PRKN: variants seen among roughly 807,000 people sequenced by gnomAD.
PRKN encodes the protein parkin RBR E3 ubiquitin protein ligase, also known as E3 ubiquitin-protein ligase parkin.
PRKN carries 56 observed loss-of-function variants against 59.5 expected under a neutral mutation model. The observed-to-expected ratio is 0.94, with a 90% CI of 0.76 to 1.18. The LOEUF (loss-of-function observed/expected upper bound fraction) is 1.18. Among genes scored for constraint, PRKN ranks in the 50% most tolerant of loss-of-function variants. PRKN has a pLI of 0.00. For missense variants in PRKN, 657 were observed against 596.4 expected, an observed-to-expected ratio of 1.10 and a Z score of -1.06; for synonymous variants, 250 against 222.1, an observed-to-expected ratio of 1.13 and a Z score of -1.12.
intron 7 of PRKN, among the ~76,000 whole-genome samples, chr6:161,719,612 G>T (rs985144373): frequency 1.3e-5 from 2 of 152,044 alleles, no homozygotes; most frequent in Non-Finnish European, 1.5e-5. Flanking sequence ...ATACTATTTA[G>T]CCTGTATCTT....
At chr6:161,692,804 C>G (rs1176882358) in intron 7 of PRKN, among the ~76,000 whole-genome samples, 1 of 151,980 alleles carries the variant, frequency 6.6e-6, no homozygotes, top group Non-Finnish European at 1.5e-5. Flanking sequence ...CAAAAATTAG[C>G]TGGCATGGTA....
At chr6:161,437,626 G>A (rs1399644439) in intron 9 of PRKN, among the ~76,000 whole-genome samples, 1 of 152,144 alleles carries the variant, frequency 6.6e-6, no homozygotes, top group African/African-American at 2.4e-5. Flanking sequence ...ACACAGGTAT[G>A]GCCAAGGGAT....
At chr6:161,669,388 AG>A (rs35581328) in intron 7 of PRKN, among the ~76,000 whole-genome samples, 1 of 152,190 alleles carries the variant, frequency 6.6e-6, no homozygotes, top group South Asian at 2.1e-4. Context: ...ATTTGCACAC[AG>A]GGGTCAGCCC....
intron 5 of PRKN, among the ~76,000 whole-genome samples, chr6:162,009,752 A>G (rs1782410627): frequency 6.6e-6 from 1 of 151,738 alleles, no homozygotes; most frequent in Non-Finnish European, 1.5e-5. Flanking sequence ...CATGGCCAAC[A>G]TAGCAAAACC....
chr6:162,399,189 T>C lies in PRKN; in HGVS notation c.171+44121A>G, dbSNP rs555378013. Among the ~76,000 whole-genome samples, 4 of 152,116 alleles carry C rather than the reference T, an allele frequency of 2.6e-5. No individual in the cohort carries two copies. In the East Asian group the frequency reaches 7.7e-4, roughly 29 times the overall value. ...GTGAAAGCCACATAAGCAACAGCAATTGGGTAGGAACTGTGGAAGGAAGCC... is the reference window on the plus strand; with the variant it reads ...GTGAAAGCCACATAAGCAACAGCAACTGGGTAGGAACTGTGGAAGGAAGCC... On this transcript the variant is annotated intron_variant, in intron 2 of 11. Coordinates refer to ENST00000366898, the MANE Select transcript of PRKN (RefSeq NM_004562.3).
At chr6:161,767,373 C>T (rs978791189) in intron 7 of PRKN, among the ~76,000 whole-genome samples, 10 of 152,046 alleles carry the variant, frequency 6.6e-5, no homozygotes, top group East Asian at 1.9e-4. Flanking sequence ...CAAAATTAGT[C>T]GGGTGTGGTG....
chr6:162,292,916 C>A (rs1781508835), intron 2 of PRKN, among the ~76,000 whole-genome samples: 3 of 152,146 alleles, frequency 2.0e-5, no homozygotes, highest in South Asian at 4.1e-4. Context: ...GTAGGTATGG[C>A]CCCACAGAGT....
intron 6 of PRKN, among the ~76,000 whole-genome samples, chr6:161,831,392 T>C (rs1174672443): frequency 6.6e-6 from 1 of 152,194 alleles, no homozygotes; most frequent in East Asian, 1.9e-4. Flanking sequence ...TCCTCACATA[T>C]CCAGCACAAA....
At chr6:161,692,236 C>A (rs1237418094) in intron 7 of PRKN, among the ~76,000 whole-genome samples, 1 of 151,876 alleles carries the variant, frequency 6.6e-6, no homozygotes, top group African/African-American at 2.4e-5. Context: ...GAAATAATAA[C>A]CAGAATAACT....
Position 161,362,240 on chromosome 6 carries a change from C to A in PRKN, c.1168-2035G>T, listed in dbSNP as rs901006186. 1.5e-4 allele frequency among the ~76,000 whole-genome samples: 23 copies of A among 152,132 alleles called. No individual in the cohort carries two copies. The highest frequency in any genetic ancestry group is 5.1e-4 in the African/African-American group (21 of 41,444). The stretch of plus-strand genomic sequence containing the variant: ...TGCTGGATCAAATATGGAAAAAAAT[C>A]TTTTTTAAACGTACGGCTGATAGGG... On this transcript the variant is annotated intron_variant, in intron 10 of 11. Transcript: ENST00000366898. The surrounding 1 kb of genome is among the most constrained non-coding windows in gnomAD (Gnocchi z 5.2).
At chr6:162,426,231 G>A (rs1399112987) in intron 2 of PRKN, among the ~76,000 whole-genome samples, 1 of 152,120 alleles carries the variant, frequency 6.6e-6, no homozygotes, top group Non-Finnish European at 1.5e-5. Context: ...TGCAGGGAAA[G>A]ACAAATAGAC....
Position 161,468,527 on chromosome 6 carries a change from T to G in PRKN, c.1083+80327A>C, listed in dbSNP as rs1790600577. 6.6e-6 allele frequency among the ~76,000 whole-genome samples: 1 copy of G among 152,188 alleles called. No individual in the cohort carries two copies. The highest frequency in any genetic ancestry group is 1.5e-5 in the Non-Finnish European group (1 of 68,036). On this transcript the variant is annotated intron_variant, in intron 9 of 11. Coordinates refer to ENST00000366898, the MANE Select transcript of PRKN (RefSeq NM_004562.3). The surrounding 1 kb of genome is among the most constrained non-coding windows in gnomAD (Gnocchi z 5.9). ...TATTGACATGTGCTTATTAACATGT[T>G]TAGAAACTTAAAAATGCATTCATCC...
chr6:161,742,455 A>G (rs1442956023), intron 7 of PRKN, among the ~76,000 whole-genome samples: 1 of 152,230 alleles, frequency 6.6e-6, no homozygotes, highest in Non-Finnish European at 1.5e-5. Context: ...TATTAGCAGC[A>G]TGAGAACAGA....
chr6:162,686,450 G>C (rs1311047286), intron 1 of PRKN, among the ~76,000 whole-genome samples: 2 of 152,114 alleles, frequency 1.3e-5, no homozygotes, highest in African/African-American at 2.4e-5. Context: ...TGTGGGGTGG[G>C]GGTTTGTTTT....
intron 6 of PRKN, among the ~76,000 whole-genome samples, chr6:161,954,204 C>T (rs1583399630): frequency 6.6e-6 from 1 of 152,122 alleles, no homozygotes; most frequent in African/African-American, 2.4e-5. Flanking sequence ...TACATCGAAG[C>T]GAAGCACTTA....
chr6:161,633,836 G>A (rs1783406092), intron 7 of PRKN, among the ~76,000 whole-genome samples: 1 of 152,102 alleles, frequency 6.6e-6, no homozygotes, highest in Non-Finnish European at 1.5e-5. Flanking sequence ...CAAGATGCAG[G>A]TGCCAGGCAG....
intron 7 of PRKN, among the ~76,000 whole-genome samples, chr6:161,754,494 A>C (rs1562657349): frequency 6.6e-6 from 1 of 152,026 alleles, no homozygotes; most frequent in Non-Finnish European, 1.5e-5. Context: ...TGCTTGTGGG[A>C]GGCTGCGGTG....
At chr6:161,714,511 A>T (rs1233344019) in intron 7 of PRKN, among the ~76,000 whole-genome samples, 1 of 152,160 alleles carries the variant, frequency 6.6e-6, no homozygotes. Context: ...TTTATCTTGG[A>T]CTTCCCGGCC....
chr6:162,398,667 G>C (rs1408354365), intron 2 of PRKN, among the ~76,000 whole-genome samples: 2 of 152,128 alleles, frequency 1.3e-5, no homozygotes, highest in Non-Finnish European at 1.5e-5. Context: ...TGGGATTACA[G>C]GCGTGAGGCA....
Sources: allele counts gnomAD v4.1 joint callset (sites outside exome capture counted in the v4.1 genomes callset), GRCh38; gene constraint gnomAD v4.1.1; non-coding constraint Gnocchi (gnomAD v3.1); transcripts MANE v1.5; gene names NCBI Gene and HGNC (gene_info 2026-07-23, HGNC 2026-07-21).